Variants in KCTD3 observed in about 807,000 individuals in gnomAD.
The protein encoded by KCTD3 is potassium channel tetramerization domain containing 3, also known as BTB/POZ domain-containing protein KCTD3.
Under a neutral mutation model 85.8 loss-of-function variants are expected in KCTD3, and 41 were observed. That is an observed-to-expected ratio of 0.48 (90% CI 0.37 to 0.62). The LOEUF is 0.62. Ranked by LOEUF, KCTD3 falls within the 20% of genes least tolerant of loss-of-function variation. The pLI, the probability that KCTD3 is intolerant of heterozygous loss-of-function variation, is 0.00. For missense variants in KCTD3, 724 were observed against 989.9 expected (o/e 0.73, Z 3.60); for synonymous variants, 338 against 345.4 (o/e 0.98, Z 0.24).
chr1:215,570,738 T>C (rs1659328331), intron 1 of KCTD3, among the ~76,000 whole-genome samples: 1 of 152,174 alleles, frequency 6.6e-6, no homozygotes, highest in Admixed American at 6.5e-5. Flanking sequence ...TGCTACCAAG[T>C]TAATTTAGTA....
At chr1:215,573,481 A>G (rs995187335) in intron 1 of KCTD3, among the ~76,000 whole-genome samples, 64 of 152,272 alleles carry the variant, frequency 4.2e-4, no homozygotes, top group African/African-American at 1.5e-3. Flanking sequence ...TGAGAAGTTG[A>G]GACTTGGTGT....
intron 8 of KCTD3, among the ~76,000 whole-genome samples, chr1:215,583,405 A>G (rs555575155): frequency 1.3e-5 from 2 of 152,180 alleles, no homozygotes; most frequent in East Asian, 3.9e-4. Flanking sequence ...TTTTAGCATG[A>G]TAATGCATTA....
At chr1:215,608,906 A>G (rs1655135245) in intron 14 of KCTD3, among the ~76,000 whole-genome samples, 1 of 152,046 alleles carries the variant, frequency 6.6e-6, no homozygotes, top group Non-Finnish European at 1.5e-5. Context: ...TCTCTGCATG[A>G]TTCTAGGCAC....
intron 1 of KCTD3, among the ~76,000 whole-genome samples, chr1:215,569,388 G>A (rs1342942123): frequency 1.3e-5 from 2 of 151,998 alleles, no homozygotes; most frequent in East Asian, 3.9e-4. Context: ...CAAAGTGCTG[G>A]AATTACAGGC....
intron 9 of KCTD3, among the ~76,000 whole-genome samples, chr1:215,589,813 T>C (rs1353220955): frequency 6.6e-6 from 1 of 152,236 alleles, no homozygotes. Flanking sequence ...ATTGAAATAA[T>C]ACGGCAGAAT....
In KCTD3 at chr1:215,580,003, G is replaced by A. The variant is rs988573712; in HGVS notation, c.626+4G>A. The A allele has an allele frequency of 1.3e-6, 2 of 1,568,772 alleles. No homozygotes were observed. Among genetic ancestry groups the A allele is most frequent in the Admixed American group, 1.7e-5 (1 of 59,640 alleles). On this transcript the variant is annotated splice_donor_region_variant and intron_variant, in intron 8 of 17. Coordinates refer to ENST00000259154, the MANE Select transcript of KCTD3 (RefSeq NM_016121.5). Reference sequence around the variant, plus strand: ...CCCATTTTGCTGTGTGTTACAGGTAGTGTATAATTAATAATGCTTTGCTTT... The same window carrying A: ...CCCATTTTGCTGTGTGTTACAGGTAATGTATAATTAATAATGCTTTGCTTT...
intron 9 of KCTD3, among the ~76,000 whole-genome samples, chr1:215,593,324 G>T (rs1251850454): frequency 6.6e-6 from 1 of 152,072 alleles, no homozygotes; most frequent in Non-Finnish European, 1.5e-5. Context: ...TATAAATATG[G>T]ATTTTATACA....
intron 10 of KCTD3, among the ~76,000 whole-genome samples, chr1:215,600,216 G>A (rs150900846): frequency 1.5e-4 from 23 of 152,290 alleles, no homozygotes; most frequent in African/African-American, 5.3e-4. Flanking sequence ...GATATTTCTT[G>A]TGTAACTCAT....
Position 215,620,847 on chromosome 1 carries a change from G to T in KCTD3, c.*229G>T. 2.2e-6 allele frequency: 1 copy of T among 461,656 alleles called. No homozygotes were observed. Among genetic ancestry groups the T allele is most frequent in the Non-Finnish European group, 3.8e-6 (1 of 264,760 alleles). The allele number at this position is 461,656 out of a possible 1,614,324, so 28.6% of individuals were successfully genotyped here. ...GTACATTTAACAGATCATTTATAAA[G>T]CAGGAGTCCATTTTAACACTTACCG... On this transcript the variant is annotated 3_prime_UTR_variant, in exon 18 of 18. Coordinates refer to ENST00000259154, the MANE Select transcript of KCTD3 (RefSeq NM_016121.5).
At position 215,567,592 on chromosome 1, in the gene KCTD3, C is replaced by T. The variant is rs1659177799; in HGVS notation, c.-94C>T. 1.4e-6 allele frequency: 1 copy of T among 730,544 alleles called. No individual in the cohort carries two copies. The highest frequency in any genetic ancestry group is 1.8e-6 in the Non-Finnish European group (1 of 542,450). The allele number at this position is 730,544 out of a possible 1,614,324, so 45.3% of individuals were successfully genotyped here. On this transcript the variant is annotated 5_prime_UTR_variant, in exon 1 of 18. Transcript: ENST00000259154. ...CTCCGGCCGCCGCCGCCCCGCTGGC[C>T]CTGCAGCCGTCGCCGCTGCCTCGGG... is the stretch of plus-strand genomic sequence containing the variant.
At chr1:215,605,882 C>T (rs1043800746) in intron 13 of KCTD3, among the ~76,000 whole-genome samples, 2 of 152,128 alleles carry the variant, frequency 1.3e-5, no homozygotes, top group African/African-American at 4.8e-5. Flanking sequence ...ATCATCCTTT[C>T]TCCCCTAGAT....
At chr1:215,575,284 T>C (rs553716835) in intron 3 of KCTD3, among the ~76,000 whole-genome samples, 3 of 152,218 alleles carry the variant, frequency 2.0e-5, no homozygotes, top group South Asian at 2.1e-4. Flanking sequence ...TTACCAATTA[T>C]GTATTTTACA....
At chr1:215,573,930 A>T (rs575288422) in intron 2 of KCTD3, 91 bp downstream of exon 2, 4 of 1,020,532 alleles carry the variant, frequency 3.9e-6, no homozygotes. Flanking sequence ...TTAATAAAAA[A>T]GGTTAACTCT....
intron 8 of KCTD3, among the ~76,000 whole-genome samples, chr1:215,586,013 G>A (rs1043126765): frequency 6.6e-6 from 1 of 152,130 alleles, no homozygotes; most frequent in Non-Finnish European, 1.5e-5. Context: ...AAGAGATTCA[G>A]TATGTGTCAT....
In KCTD3 at chr1:215,620,687, C is replaced by A; in HGVS notation, c.*69C>A. The A allele has an allele frequency of 2.7e-6, 3 of 1,122,768 alleles. No homozygotes were observed. The highest frequency in any genetic ancestry group is 1.6e-5 in the African/African-American group (1 of 64,016). 69.6% of individuals were successfully genotyped at this position (1,122,768 alleles called of 1,614,324 possible). A position where few individuals can be genotyped will look rare whatever the true frequency, so the allele number is the denominator to read the frequency against. ...AGTTAAACTTTACTGAATTTCAGTA[C>A]ATTAGTTTTTACACTAAAACTTTAC... On this transcript the variant is annotated 3_prime_UTR_variant, in exon 18 of 18. Coordinates refer to ENST00000259154, the MANE Select transcript of KCTD3 (RefSeq NM_016121.5).
chr1:215,590,465 C>T (rs916870876), intron 9 of KCTD3, among the ~76,000 whole-genome samples: 2 of 152,174 alleles, frequency 1.3e-5, no homozygotes, highest in African/African-American at 2.4e-5. Context: ...TGCTCGCTCC[C>T]TCTTCCTCCT....
chr1:215,616,105 T>C (rs1179924435), intron 15 of KCTD3, among the ~76,000 whole-genome samples: 1 of 152,126 alleles, frequency 6.6e-6, no homozygotes, highest in Non-Finnish European at 1.5e-5. Flanking sequence ...GTGAGCCACC[T>C]TGGGGAAAAA....
At chr1:215,577,028 G>A (rs6674311) in intron 4 of KCTD3, among the ~76,000 whole-genome samples, 4,088 of 152,086 alleles carry the variant, frequency 0.027, 180 homozygotes, top group African/African-American at 0.092. Context: ...AGTATTATAA[G>A]TTCTGAATCT....
chr1:215,613,018 A>G (rs1381468147), intron 15 of KCTD3, among the ~76,000 whole-genome samples: 2 of 152,134 alleles, frequency 1.3e-5, no homozygotes, highest in Non-Finnish European at 2.9e-5. Context: ...AGCATCAGGA[A>G]GAATAGCTAA....
Sources: gnomAD v4.1 joint callset for allele counts (sites outside exome capture counted in the v4.1 genomes callset) on GRCh38, gnomAD v4.1.1 for gene constraint, MANE v1.5 for transcripts, NCBI Gene and HGNC (gene_info 2026-07-23, HGNC 2026-07-21) for gene names.